RPRD2: variants seen among roughly 807,000 people sequenced by gnomAD.
RPRD2 encodes the protein regulation of nuclear pre-mRNA domain containing 2.
A neutral mutation model predicts 104.4 loss-of-function variants in RPRD2; 12 were observed. That is an observed-to-expected ratio of 0.11 (90% CI 0.07 to 0.19). The LOEUF (loss-of-function observed/expected upper bound fraction) is 0.19. Ranked by LOEUF, RPRD2 falls within the 10% of genes least tolerant of loss-of-function variation. RPRD2 has a pLI of 1.00. For synonymous variants in RPRD2, 714 were observed against 684.9 expected, an observed-to-expected ratio of 1.04 and a Z score of -0.66; for missense variants, 1,543 against 1,790.1, an observed-to-expected ratio of 0.86 and a Z score of 2.49.
At chr1:150,369,803 C>T (rs186188370) in intron 1 of RPRD2, among the ~76,000 whole-genome samples, 2 of 146,680 alleles carry the variant, frequency 1.4e-5, no homozygotes, top group African/African-American at 5.0e-5. Flanking sequence ...TTTTTTGATG[C>T]AGAGTCTCAC....
At chr1:150,399,812 G>A (rs1432372371) in intron 1 of RPRD2, among the ~76,000 whole-genome samples, 3 of 151,562 alleles carry the variant, frequency 2.0e-5, no homozygotes, top group Middle Eastern at 3.2e-3. Flanking sequence ...GATTATTGTA[G>A]CTTGTATGGA....
At chr1:150,424,817 T>C (rs1268391328) in intron 2 of RPRD2, among the ~76,000 whole-genome samples, 2 of 152,208 alleles carry the variant, frequency 1.3e-5, no homozygotes, top group East Asian at 1.9e-4. Flanking sequence ...TTCTTATTTC[T>C]TAGTCATTTA....
Position 150,471,191 on chromosome 1 carries a change from A to C in RPRD2, c.2243A>C (p.Asp748Ala). ...MMDKPTSSSV[D>A]TMSLLSKIIS... ...GACAAGCCCACATCCAGCAGTGTAGATACTATGTCCCTGCTTTCTAAGATC... is the reference window on the plus strand; with the variant it reads ...GACAAGCCCACATCCAGCAGTGTAGCTACTATGTCCCTGCTTTCTAAGATC... Residue 748 changes from aspartate to alanine, a missense_variant, in exon 11 of 11, where the codon GAT (aspartate) becomes GCT (alanine). Physicochemically the swap from Asp to Ala is moderately radical, Grantham distance 126. Around this residue, in one of 4 missense-constraint regions of RPRD2, gnomAD observed 572 missense variants for 787.3 expected, o/e 0.73. Coordinates refer to ENST00000369068, the MANE Select transcript of RPRD2 (RefSeq NM_015203.5). This position sits in a 1 kb window ranked among gnomAD's most constrained non-coding sequence, Gnocchi z 5.3. 6.2e-7 allele frequency: 1 copy of C among 1,613,826 alleles called. No individual in the cohort carries two copies. The highest frequency in any genetic ancestry group is 2.2e-5 in the East Asian group (1 of 44,876).
intron 9 of RPRD2, among the ~76,000 whole-genome samples, chr1:150,460,753 A>G (rs1443781781): frequency 1.5e-5 from 2 of 135,688 alleles, no homozygotes; most frequent in Admixed American, 1.6e-4. Flanking sequence ...TCTGAGACGG[A>G]GTTTCAGTCA....
At chr1:150,451,825 A>G (rs1667198605) in intron 7 of RPRD2, among the ~76,000 whole-genome samples, 1 of 151,586 alleles carries the variant, frequency 6.6e-6, no homozygotes, top group African/African-American at 2.4e-5. Context: ...TAATCATCCG[A>G]TATAACTGGT....
chr1:150,465,853 GT>G (rs1408539002), intron 10 of RPRD2, among the ~76,000 whole-genome samples: 1 of 149,522 alleles, frequency 6.7e-6, no homozygotes, highest in Non-Finnish European at 1.5e-5. Flanking sequence ...AAGGTCAGCA[GT>G]TCAAGACCAG....
intron 1 of RPRD2, among the ~76,000 whole-genome samples, chr1:150,396,160 C>T (rs1553884170): frequency 6.8e-6 from 1 of 146,938 alleles, no homozygotes; most frequent in Admixed American, 6.8e-5. Flanking sequence ...ATCGTGTATT[C>T]ATGTCCTTAA....
chr1:150,377,126 G>C (rs1660759263), intron 1 of RPRD2, among the ~76,000 whole-genome samples: 1 of 151,458 alleles, frequency 6.6e-6, no homozygotes, highest in African/African-American at 2.4e-5. Context: ...CAGGAGAATT[G>C]CTTGAACCCA....
intron 10 of RPRD2, among the ~76,000 whole-genome samples, chr1:150,469,174 C>T (rs758465079): frequency 6.6e-6 from 1 of 152,058 alleles, no homozygotes; most frequent in Non-Finnish European, 1.5e-5. Flanking sequence ...TGAAATATCA[C>T]ATGAAGTATT....
At chr1:150,434,016 G>T (rs1665831023) in intron 2 of RPRD2, among the ~76,000 whole-genome samples, 1 of 152,068 alleles carries the variant, frequency 6.6e-6, no homozygotes, top group African/African-American at 2.4e-5. Context: ...GTTTTACTCT[G>T]AGAAGTTAGC....
chr1:150,454,257 T>C (rs1553897165), intron 7 of RPRD2, among the ~76,000 whole-genome samples: 2 of 152,194 alleles, frequency 1.3e-5, no homozygotes, highest in African/African-American at 4.8e-5. Context: ...TTTCTTTTTA[T>C]TTAATAGTGG....
chr1:150,369,478 A>C, intron 1 of RPRD2, among the ~76,000 whole-genome samples: 1 of 51,920 alleles, frequency 1.9e-5, no homozygotes, highest in African/African-American at 7.3e-5. Context: ...TTTTTTTGAG[A>C]CGGAGTCTTG....
chr1:150,388,248 TTGC>T, intron 1 of RPRD2, among the ~76,000 whole-genome samples: 1 of 151,818 alleles, frequency 6.6e-6, no homozygotes, highest in East Asian at 1.9e-4. Flanking sequence ...AATTTTAGCT[TTGC>T]AGTAGTTTTG....
chr1:150,406,047 G>T (rs1553886454), intron 1 of RPRD2, among the ~76,000 whole-genome samples: 1 of 152,168 alleles, frequency 6.6e-6, no homozygotes, highest in Non-Finnish European at 1.5e-5. Context: ...ATATGCTGAA[G>T]TTGCTAAGAT....
chr1:150,399,678 A>G (rs587652192), intron 1 of RPRD2, among the ~76,000 whole-genome samples: 1 of 151,452 alleles, frequency 6.6e-6, no homozygotes, highest in African/African-American at 2.4e-5. Context: ...AATTGCTTAA[A>G]CCTAGGAGGC....
chr1:150,466,926 G>A (rs1245060721), intron 10 of RPRD2, among the ~76,000 whole-genome samples: 1 of 152,170 alleles, frequency 6.6e-6, no homozygotes, highest in Non-Finnish European at 1.5e-5. Context: ...CCTCCAGGGA[G>A]GACACTTGGC....
chr1:150,377,144 G>A (rs1169533591), intron 1 of RPRD2, among the ~76,000 whole-genome samples: 1 of 151,676 alleles, frequency 6.6e-6, no homozygotes, highest in Non-Finnish European at 1.5e-5. Flanking sequence ...CCAGGAGGCA[G>A]CAGTTGCAGT....
chr1:150,379,405 T>C (rs1412560773), intron 1 of RPRD2, among the ~76,000 whole-genome samples: 1 of 152,160 alleles, frequency 6.6e-6, no homozygotes, highest in Non-Finnish European at 1.5e-5. Context: ...TATTTTTATT[T>C]ACGTATTTTT....
chr1:150,450,062 T>C (rs1269337303), intron 7 of RPRD2, among the ~76,000 whole-genome samples: 1 of 152,212 alleles, frequency 6.6e-6, no homozygotes, highest in African/African-American at 2.4e-5. Context: ...CAAACCCATC[T>C]GTTCTTAGTT....
Sources: gnomAD v4.1 joint callset for allele counts (sites outside exome capture counted in the v4.1 genomes callset) on GRCh38, gnomAD v4.1.1 for gene constraint, gnomAD v4.1.1 regional missense constraint, Gnocchi (gnomAD v3.1) non-coding constraint, MANE v1.5 for transcripts, NCBI Gene and HGNC (gene_info 2026-07-23, HGNC 2026-07-21) for gene names.